The following MICAL2 variants were observed in gnomAD, a reference collection of about 807,000 sequenced individuals.
MICAL2 encodes the protein microtubule associated monooxygenase, calponin and LIM domain containing 2.
MICAL2 carries 77 observed loss-of-function variants against 127.3 expected under a neutral mutation model. That is an observed-to-expected ratio of 0.60 (90% CI 0.50 to 0.73). The LOEUF (loss-of-function observed/expected upper bound fraction) is 0.73. Among genes scored for constraint, MICAL2 ranks in the 30% least tolerant of loss-of-function variants. MICAL2 has a pLI of 0.00. For missense variants in MICAL2, 1,351 were observed against 1,434.4 expected (o/e 0.94, Z 0.94); for synonymous variants, 570 against 551.1 (o/e 1.03, Z -0.48).
chr11:12,264,279 G>A (rs1183136273), downstream of MICAL2, among the ~76,000 whole-genome samples: 1 of 152,174 alleles, frequency 6.6e-6, no homozygotes, highest in African/African-American at 2.4e-5. Flanking sequence ...TCAATATTAG[G>A]ATGGCAATGA....
At chr11:12,210,379 C>A (rs895605378) in intron 6 of MICAL2, among the ~76,000 whole-genome samples, 12 of 152,144 alleles carry the variant, frequency 7.9e-5, no homozygotes, top group African/African-American at 2.9e-4. Context: ...GCTTTTTGAG[C>A]CTGCCCCCTC....
downstream of MICAL2, chr11:12,292,096 A>G: frequency 6.4e-7 from 1 of 1,571,926 alleles, no homozygotes; most frequent in Non-Finnish European, 8.6e-7. Flanking sequence ...TTTTCTTGAT[A>G]AAATAATAAC....
At position 12,126,853 on chromosome 11, in the gene MICAL2, G is replaced by A. The variant is rs79608863; in HGVS notation, c.-148-11537G>A. Among the ~76,000 whole-genome samples the A allele has an allele frequency of 9.8e-5, 15 of 152,286 alleles. No homozygotes were observed. In the East Asian group the frequency reaches 2.9e-3, roughly 29 times the overall value. On this transcript the variant is annotated intron_variant, in intron 1 of 27. Transcript: ENST00000683283. ...TGGGGAGTGTTTTCTGTGGGCTAGG[G>A]AGGGCCTGGAAAGCTTCCTGGAGGA...
At chr11:12,117,504 T>C (rs990906626) in intron 1 of MICAL2, among the ~76,000 whole-genome samples, 1 of 152,246 alleles carries the variant, frequency 6.6e-6, no homozygotes, top group Non-Finnish European at 1.5e-5. Flanking sequence ...TACTGACTTA[T>C]CTGGTGAAGC....
chr11:12,162,035 C>A, intron 2 of MICAL2, 44 bp from the exon 3 acceptor site: 2 of 1,400,016 alleles, frequency 1.4e-6, no homozygotes, highest in Non-Finnish European at 2.0e-6. Context: ...CCCACCCTAA[C>A]CTCATCGTCC....
intron 15 of MICAL2, among the ~76,000 whole-genome samples, chr11:12,233,432 C>T (rs1336210163): frequency 6.6e-6 from 1 of 152,236 alleles, no homozygotes; most frequent in African/African-American, 2.4e-5. Context: ...AACCTCTCTT[C>T]CTATGACCCA....
intron 29 of MICAL2, among the ~76,000 whole-genome samples, chr11:12,306,782 C>G (rs534889729): frequency 5.9e-5 from 9 of 152,184 alleles, no homozygotes; most frequent in Non-Finnish European, 1.0e-4. Flanking sequence ...TGTTGTTGCA[C>G]ATTTCAGTAA....
intron 24 of MICAL2, among the ~76,000 whole-genome samples, chr11:12,270,262 G>A (rs1405223671): frequency 1.3e-5 from 2 of 152,242 alleles, no homozygotes; most frequent in Non-Finnish European, 2.9e-5. Flanking sequence ...ATATCTACCT[G>A]TGTGTGCTCA....
At chr11:12,325,665 G>A (rs1416290681) in intron 31 of MICAL2, among the ~76,000 whole-genome samples, 7 of 152,136 alleles carry the variant, frequency 4.6e-5, no homozygotes, top group Admixed American at 3.3e-4. Context: ...TATCTCTGGT[G>A]TCTTTTCCTC....
rs550141631 is a variant in MICAL2, at chr11:12,134,913, A to G, written c.-148-3477A>G. On this transcript the variant is annotated intron_variant, in intron 1 of 27. Transcript: ENST00000683283. ...AAGAGGTGCAGAAGAATCAAGCCCC[A>G]GGAAGACAGCATGTGACCTCCAGCA... Among the ~76,000 whole-genome samples the G allele has an allele frequency of 9.2e-5, 14 of 152,380 alleles. No homozygotes were observed. The South Asian group carries it at 2.9e-3, about 32-fold the overall frequency.
downstream of MICAL2, chr11:12,358,607 T>A: frequency 1.1e-6 from 1 of 885,830 alleles, no homozygotes; most frequent in Non-Finnish European, 1.7e-6. Context: ...CTGCATTTTT[T>A]AAAATTAAAA....
At chr11:12,294,025 C>A (rs1435124955), downstream of MICAL2, 11 of 1,614,158 alleles carry the variant, frequency 6.8e-6, no homozygotes, top group South Asian at 1.1e-4. Context: ...ATGACTCCAT[C>A]CCTGAGAGTG....
chr11:12,319,825 A>C (rs761232876), intron 30 of MICAL2: 1 of 1,603,310 alleles, frequency 6.2e-7, no homozygotes, highest in South Asian at 1.1e-5. Context: ...ACAACACTTG[A>C]CCAGCCAAAG....
At chr11:12,221,994 AG>A (rs1210536198) in intron 10 of MICAL2, among the ~76,000 whole-genome samples, 2 of 152,198 alleles carry the variant, frequency 1.3e-5, no homozygotes, top group Admixed American at 1.3e-4. Context: ...TGGATGACAA[AG>A]AGAAATCTTC....
intron 32 of MICAL2, among the ~76,000 whole-genome samples, chr11:12,330,898 A>AGTGT (rs757142831): frequency 0.019 from 2,319 of 120,990 alleles, 26 homozygotes; most frequent in East Asian, 0.05. Flanking sequence ...AGAGAGAGAG[A>AGTGT]GAGTGTGTGT....
At chr11:12,206,676 G>A (rs2004181) in intron 4 of MICAL2, among the ~76,000 whole-genome samples, 46,877 of 152,032 alleles carry the variant, frequency 0.31, 8,888 homozygotes, top group Non-Finnish European at 0.43. Flanking sequence ...AGTTCCCACT[G>A]TGGCCATTCC....
chr11:12,146,453 G>T (rs138498391), intron 2 of MICAL2, among the ~76,000 whole-genome samples: 1 of 152,146 alleles, frequency 6.6e-6, no homozygotes, highest in Admixed American at 6.5e-5. Flanking sequence ...CAACAGACAC[G>T]TGAAAAAATG....
chr11:12,224,898 T>G, intron 13 of MICAL2, 78 bp downstream of exon 13: 2 of 1,497,330 alleles, frequency 1.3e-6, no homozygotes, highest in Non-Finnish European at 9.1e-7. Context: ...TCTTCATTAC[T>G]TGGTTCAATA....
Position 12,224,753 on chromosome 11 carries a change from C to A in MICAL2, c.1621C>A (p.Leu541Met). The A allele has an allele frequency of 6.2e-7, 1 of 1,614,250 alleles. No homozygotes were observed. Among genetic ancestry groups the A allele is most frequent in the Non-Finnish European group, 8.5e-7 (1 of 1,180,042 alleles). Residue 541 changes from leucine (L) to methionine (M), a missense_variant, in exon 13 of 28, where the codon CTG becomes ATG. Leu to Met is a conservative substitution (Grantham distance 15). Around this residue, in one of 2 missense-constraint regions of MICAL2, gnomAD observed 599 missense variants for 714.9 expected, o/e 0.84. Transcript: ENST00000683283. ...EGYQHVNVTD[L>M]TTSWRSGLAL... ...CTACCAGCATGTCAACGTCACCGACCTGACCACATCCTGGCGCAGTGGGTT... is the reference window on the plus strand; with the variant it reads ...CTACCAGCATGTCAACGTCACCGACATGACCACATCCTGGCGCAGTGGGTT...
Sources: gnomAD v4.1 joint callset for allele counts (sites outside exome capture counted in the v4.1 genomes callset) on GRCh38, gnomAD v4.1.1 for gene constraint, gnomAD v4.1.1 regional missense constraint, MANE v1.5 for transcripts, NCBI Gene and HGNC (gene_info 2026-07-23, HGNC 2026-07-21) for gene names.